Variants in PARVB observed in about 807,000 individuals in gnomAD.
PARVB encodes parvin beta.
In PARVB, 46 loss-of-function variants were observed where a neutral mutation model predicts 47.0. The observed-to-expected ratio is 0.98, with a 90% CI of 0.77 to 1.25. PARVB has a LOEUF of 1.25. Ranked by LOEUF, PARVB falls within the 50% of genes most tolerant of loss-of-function variation. The pLI is 0.00. For synonymous variants in PARVB, 196 were observed against 196.3 expected (o/e 1.00, Z 0.01); for missense variants, 473 against 471.6 (o/e 1.00, Z -0.03).
At position 44,125,628 on chromosome 22, in the gene PARVB, C is replaced by T. The variant is rs1011791944; in HGVS notation, c.377-5859C>T. Among the ~76,000 whole-genome samples the T allele has an allele frequency of 5.3e-5, 8 of 152,008 alleles. No homozygotes were observed. Among genetic ancestry groups the T allele is most frequent in the East Asian group, 1.9e-4 (1 of 5,186 alleles). On this transcript the variant is annotated intron_variant, in intron 4 of 12. Transcript: ENST00000338758. The surrounding 1 kb of genome is among the most constrained non-coding windows in gnomAD (Gnocchi z 4.1). ...GAGGAGCAGTGAAAAGAAGCGGAGG[C>T]GGGGCCCAGGTGGCAGAGAGGGAGG...
At chr22:44,149,980 C>T (rs2147144170) in intron 9 of PARVB, 1 of 152,016 alleles carries the variant, frequency 6.6e-6, no homozygotes, top group South Asian at 2.1e-4. Context: ...ATGGCAAAAA[C>T]CCGTCTCTAC....
At chr22:44,090,324 C>A (rs529232544) in intron 1 of PARVB, among the ~76,000 whole-genome samples, 1 of 152,242 alleles carries the variant, frequency 6.6e-6, no homozygotes, top group Non-Finnish European at 1.5e-5. Flanking sequence ...GTCCCCGAAG[C>A]CTTTGCTTCC....
rs191296018 is a variant in PARVB at position 44,103,538 on chromosome 22, A to G, written c.273+3415A>G. The G allele has an allele frequency of 6.6e-6, 1 of 152,302 alleles. No homozygotes were observed. The highest frequency in any genetic ancestry group is 1.5e-5 in the Non-Finnish European group (1 of 68,036). 9.4% of individuals were successfully genotyped at this position (152,302 alleles called of 1,614,324 possible). Reference sequence around the variant, plus strand: ...TTTTCAGGGAACCTGGGCCAGAATCATGGTCCCCAAAGATGACCATGTGAT... The same window carrying G: ...TTTTCAGGGAACCTGGGCCAGAATCGTGGTCCCCAAAGATGACCATGTGAT... On this transcript the variant is annotated intron_variant, in intron 3 of 12. Transcript: ENST00000338758. This position sits in a 1 kb window ranked among gnomAD's most constrained non-coding sequence, Gnocchi z 4.6.
intron 10 of PARVB, among the ~76,000 whole-genome samples, chr22:44,156,440 C>CA (rs777378603): frequency 2.6e-5 from 4 of 151,910 alleles, no homozygotes; most frequent in Non-Finnish European, 4.4e-5. Context: ...CCACCACACC[C>CA]GCTAATTTTT....
chr22:44,028,077 T>C (rs2050762146), intron 1 of PARVB, among the ~76,000 whole-genome samples: 2 of 152,042 alleles, frequency 1.3e-5, no homozygotes, highest in Admixed American at 6.6e-5. Context: ...GCCCCCCGGC[T>C]GTGTGGTAGA....
At chr22:44,092,016 G>T (rs1272521255) in intron 1 of PARVB, among the ~76,000 whole-genome samples, 2 of 152,120 alleles carry the variant, frequency 1.3e-5, no homozygotes, top group Non-Finnish European at 2.9e-5. Context: ...CTGGGCTGGG[G>T]ACTTGATGTT....
At chr22:44,044,926 C>T (rs1047084340) in intron 1 of PARVB, among the ~76,000 whole-genome samples, 2 of 152,202 alleles carry the variant, frequency 1.3e-5, no homozygotes, top group Non-Finnish European at 2.9e-5. Flanking sequence ...TATAAGCACA[C>T]TGACGTTTGC....
rs189519606 is a variant in PARVB, at chr22:44,162,165, C to G, written c.946-1693C>G. On this transcript the variant is annotated intron_variant, in intron 11 of 12. Coordinates refer to ENST00000338758, the MANE Select transcript of PARVB (RefSeq NM_013327.5). ...ACTGTGGAAGCTTTTCCAAAGCACC[C>G]CACACTGTTTTCCAGTGTTGTTCGT... is the stretch of plus-strand genomic sequence containing the variant. 5.3e-5 allele frequency among the ~76,000 whole-genome samples: 8 copies of G among 152,328 alleles called. No homozygotes were observed. The East Asian group carries it at 1.3e-3, about 26-fold the overall frequency.
chr22:44,058,868 G>A (rs1253803875), intron 1 of PARVB, among the ~76,000 whole-genome samples: 1 of 150,804 alleles, frequency 6.6e-6, no homozygotes, highest in African/African-American at 2.4e-5. Context: ...GTGGATTTTG[G>A]ATGAGACACC....
rs199850245 is a variant in PARVB, at chr22:44,136,426, G to A, written c.634-34G>A. On this transcript the variant is annotated intron_variant, in intron 6 of 12. Transcript: ENST00000338758. ...GTGCATCTTTCCTCAACTCTCCACT[G>A]CCTGATTTTGTATGTTTATTTTGGG... is the stretch of plus-strand genomic sequence containing the variant. 139 of 1,603,436 alleles carry A rather than the reference G, an allele frequency of 8.7e-5. No individual in the cohort carries two copies. The African/African-American group carries it at 1.7e-3, about 19-fold the overall frequency.
At chr22:44,067,076 G>C (rs1001783127) in intron 1 of PARVB, among the ~76,000 whole-genome samples, 3 of 152,034 alleles carry the variant, frequency 2.0e-5, no homozygotes, top group Admixed American at 2.0e-4. Flanking sequence ...TCCTGGGCTC[G>C]AGCGGTCCTC....
At chr22:44,122,562 C>CAGAGAGAG (rs55865160) in intron 4 of PARVB, among the ~76,000 whole-genome samples, 68 of 78,794 alleles carry the variant, frequency 8.6e-4, no homozygotes, top group East Asian at 3.6e-3. Context: ...GACACAGAGA[C>CAGAGAGAG]AGAGAGAGAG....
intron 3 of PARVB, chr22:44,109,048 T>A (rs11704096): frequency 0.23 from 34,581 of 152,116 alleles, 4,041 homozygotes; most frequent in East Asian, 0.41. Context: ...CCCGGTTGAT[T>A]GGACAAGACC....
At chr22:44,149,278 C>T (rs979991492) in intron 9 of PARVB, 4 of 152,248 alleles carry the variant, frequency 2.6e-5, no homozygotes, top group Admixed American at 6.5e-5. Context: ...ATTCATTCTG[C>T]GAAAGACACA....
chr22:44,013,699 C>A (rs1239218137), intron 2 of PARVB, among the ~76,000 whole-genome samples: 1 of 151,656 alleles, frequency 6.6e-6, no homozygotes, highest in South Asian at 2.1e-4. Flanking sequence ...GTGGTGCGAT[C>A]TCGGCTCACT....
intron 1 of PARVB, among the ~76,000 whole-genome samples, chr22:44,033,948 G>C (rs1046863831): frequency 6.6e-6 from 1 of 152,012 alleles, no homozygotes; most frequent in Non-Finnish European, 1.5e-5. Flanking sequence ...GAACTGACCA[G>C]GCCCCACTTT....
At chr22:44,075,741 GT>G (rs2051757001) in intron 1 of PARVB, among the ~76,000 whole-genome samples, 2 of 152,344 alleles carry the variant, frequency 1.3e-5, no homozygotes, top group African/African-American at 4.8e-5. Context: ...ATGCATTTAA[GT>G]TTCCTCCACG....
At chr22:44,150,426 CT>C (rs1281386537) in intron 9 of PARVB, 1 of 152,236 alleles carries the variant, frequency 6.6e-6, no homozygotes, top group Non-Finnish European at 1.5e-5. Context: ...AATTTCAGCA[CT>C]TTGGGAGGCC....
intron 1 of PARVB, among the ~76,000 whole-genome samples, chr22:44,026,926 T>A (rs1224283270): frequency 6.6e-6 from 1 of 151,384 alleles, no homozygotes; most frequent in African/African-American, 2.4e-5. Flanking sequence ...GGAGGGATGG[T>A]TGGGATGAGT....
Sources: gnomAD v4.1 joint callset for allele counts (sites outside exome capture counted in the v4.1 genomes callset) on GRCh38, gnomAD v4.1.1 for gene constraint, Gnocchi (gnomAD v3.1) non-coding constraint, MANE v1.5 for transcripts, NCBI Gene and HGNC (gene_info 2026-07-23, HGNC 2026-07-21) for gene names.